The following PTPRJ variants were observed in gnomAD, a reference collection of about 807,000 sequenced individuals.
PTPRJ encodes protein tyrosine phosphatase receptor type J.
A neutral mutation model predicts 141.3 loss-of-function variants in PTPRJ; 129 were observed. That is an observed-to-expected ratio of 0.91 (90% CI 0.79 to 1.06). The LOEUF (loss-of-function observed/expected upper bound fraction) is 1.06, where lower values mean the gene tolerates loss of function less well. Ranked by LOEUF, PTPRJ falls within the 50% of genes least tolerant of loss-of-function variation. The probability of loss-of-function intolerance (pLI) is 0.00; values close to 1 mark genes in which losing one functional copy is unlikely to be tolerated. For synonymous variants in PTPRJ, 610 were observed against 640.5 expected, an observed-to-expected ratio of 0.95 and a Z score of 0.72; for missense variants, 1,601 against 1,679.7, an observed-to-expected ratio of 0.95 and a Z score of 0.82.
At chr11:48,054,627 CT>C (rs1854705850) in intron 1 of PTPRJ, among the ~76,000 whole-genome samples, 1 of 152,004 alleles carries the variant, frequency 6.6e-6, no homozygotes, top group Admixed American at 6.6e-5. Flanking sequence ...TGCCCACGGA[CT>C]TGTAGTCCCT....
intron 2 of PTPRJ, among the ~76,000 whole-genome samples, chr11:48,112,206 A>G (rs1389634182): frequency 6.6e-6 from 1 of 152,208 alleles, no homozygotes; most frequent in Non-Finnish European, 1.5e-5. Context: ...ACGTCTGGTC[A>G]CACTCTGTTT....
At chr11:47,981,031 C>T (rs1853888948) in intron 1 of PTPRJ, 23 bp downstream of exon 1, 2 of 285,818 alleles carry the variant, frequency 7.0e-6, no homozygotes, top group Non-Finnish European at 1.0e-5. Flanking sequence ...TGGGCTCGGG[C>T]GGGGGGCAGG....
intron 19 of PTPRJ, among the ~76,000 whole-genome samples, chr11:48,154,401 T>A (rs558099895): frequency 1.3e-5 from 2 of 152,366 alleles, no homozygotes; most frequent in Admixed American, 1.3e-4. Flanking sequence ...CATTTCCTGT[T>A]TTTGAGAATT....
At chr11:48,000,787 C>G (rs1479847693) in intron 1 of PTPRJ, among the ~76,000 whole-genome samples, 2 of 152,066 alleles carry the variant, frequency 1.3e-5, no homozygotes, top group Non-Finnish European at 2.9e-5. Context: ...CTACTCATTT[C>G]TGTCTGTCTC....
At chr11:48,080,963 T>C (rs1207159719) in intron 1 of PTPRJ, among the ~76,000 whole-genome samples, 5 of 152,234 alleles carry the variant, frequency 3.3e-5, no homozygotes, top group Non-Finnish European at 7.3e-5. Flanking sequence ...CAGACCCAGA[T>C]TGTCAATGAT....
chr11:48,130,502 G>A lies in PTPRJ; in HGVS notation c.1401G>A (p.Thr467=), dbSNP rs770168631. Residue 467 remains threonine, a synonymous_variant, in exon 8 of 25, where the codon ACG becomes ACA. Transcript: ENST00000418331. ...ACTTCCGAGTGACAGTGGTCAGCACGACGGAGATCGGCTTAGCATGGAGCA... is the reference window on the plus strand; with the variant it reads ...ACTTCCGAGTGACAGTGGTCAGCACAACGGAGATCGGCTTAGCATGGAGCA... ...VSDFRVTVVS[T]TEIGLAWSSH... The A allele has an allele frequency of 5.6e-6, 9 of 1,613,648 alleles. No individual in the cohort carries two copies. The highest frequency in any genetic ancestry group is 5.5e-5 in the South Asian group (5 of 91,040).
intron 1 of PTPRJ, among the ~76,000 whole-genome samples, chr11:48,075,896 G>A (rs562568550): frequency 5.3e-5 from 8 of 152,232 alleles, no homozygotes; most frequent in East Asian, 1.9e-4. Context: ...CAACCTGCCC[G>A]TTGTTTTCTC....
At chr11:48,023,588 C>G (rs1853716929) in intron 1 of PTPRJ, among the ~76,000 whole-genome samples, 1 of 152,042 alleles carries the variant, frequency 6.6e-6, no homozygotes, top group Non-Finnish European at 1.5e-5. Flanking sequence ...TCGAGACCAC[C>G]CTAGCCAATA....
In PTPRJ at chr11:48,093,292, G is replaced by A. The variant is rs377468485; in HGVS notation, c.97-16766G>A. ...AAAAATATTTAGTAGAGTGGTCTAA[G>A]ATGAGAGTGTAAGTGAGTAAACTTT... On this transcript the variant is annotated intron_variant, in intron 1 of 24. Coordinates refer to ENST00000418331, the MANE Select transcript of PTPRJ (RefSeq NM_002843.4). Among the ~76,000 whole-genome samples, 13 of 152,340 alleles carry A rather than the reference G, an allele frequency of 8.5e-5. No individual in the cohort carries two copies. The East Asian group carries it at 1.2e-3, about 14-fold the overall frequency.
At chr11:48,111,011 T>G (rs1486721233) in intron 2 of PTPRJ, among the ~76,000 whole-genome samples, 2 of 152,198 alleles carry the variant, frequency 1.3e-5, no homozygotes, top group Admixed American at 1.3e-4. Flanking sequence ...GCCTGGTGGC[T>G]CATGCCTGTA....
chr11:48,105,019 A>T (rs1345434293), intron 1 of PTPRJ, among the ~76,000 whole-genome samples: 2 of 152,132 alleles, frequency 1.3e-5, no homozygotes, highest in African/African-American at 4.8e-5. Flanking sequence ...CTTGAATGAG[A>T]TGATAAATAC....
intron 1 of PTPRJ, among the ~76,000 whole-genome samples, chr11:48,103,414 GTGC>G (rs1384646062): frequency 6.6e-6 from 1 of 152,190 alleles, no homozygotes; most frequent in Admixed American, 6.5e-5. Context: ...AGCTATGATT[GTGC>G]CATTGTACTC....
At chr11:47,990,457 C>G (rs565303667) in intron 1 of PTPRJ, among the ~76,000 whole-genome samples, 1 of 152,154 alleles carries the variant, frequency 6.6e-6, no homozygotes, top group South Asian at 2.1e-4. Context: ...GAGTCTTGCT[C>G]TGTCACCCAG....
intron 1 of PTPRJ, among the ~76,000 whole-genome samples, chr11:48,093,167 A>G (rs1345608509): frequency 2.0e-5 from 3 of 152,200 alleles, no homozygotes; most frequent in African/African-American, 4.8e-5. Flanking sequence ...GTGATCATGT[A>G]TGTGATTGCT....
rs1243391757 is a variant in PTPRJ, at chr11:48,158,214, G to T, written c.3439-1716G>T. On this transcript the variant is annotated intron_variant, in intron 21 of 24. Transcript: ENST00000418331. The surrounding 1 kb of genome is among the most constrained non-coding windows in gnomAD (Gnocchi z 4.4). ...GCTTTTTAATACTGTTGAGCCCAGG[G>T]CCTTATACATGAAACATTCTTATAA... Among the ~76,000 whole-genome samples, 3 of 152,086 alleles carry T rather than the reference G, an allele frequency of 2.0e-5. No individual in the cohort carries two copies. Among genetic ancestry groups the T allele is most frequent in the East Asian group, 3.8e-4 (2 of 5,196 alleles).
chr11:48,013,086 A>G (rs1190551354), intron 1 of PTPRJ, among the ~76,000 whole-genome samples: 2 of 144,046 alleles, frequency 1.4e-5, no homozygotes, highest in South Asian at 2.3e-4. Flanking sequence ...CCTGGGCAAC[A>G]GAGTGAGACT....
chr11:47,996,855 G>A (rs1854350900), intron 1 of PTPRJ, among the ~76,000 whole-genome samples: 2 of 152,232 alleles, frequency 1.3e-5, no homozygotes, highest in African/African-American at 4.8e-5. Flanking sequence ...AGGGGTGGAA[G>A]CTCTTATTTC....
At chr11:48,137,599 C>G (rs1286722950) in intron 10 of PTPRJ, among the ~76,000 whole-genome samples, 2 of 152,100 alleles carry the variant, frequency 1.3e-5, no homozygotes, top group Non-Finnish European at 2.9e-5. Flanking sequence ...GAGCAAAGAT[C>G]TGAATGAAGG....
intron 1 of PTPRJ, among the ~76,000 whole-genome samples, chr11:48,040,267 G>T (rs1457241630): frequency 6.6e-6 from 1 of 152,254 alleles, no homozygotes; most frequent in Non-Finnish European, 1.5e-5. Context: ...CATAGAGACC[G>T]CAGGATGCTG....
Sources: gnomAD v4.1 joint callset for allele counts (sites outside exome capture counted in the v4.1 genomes callset) on GRCh38, gnomAD v4.1.1 for gene constraint, Gnocchi (gnomAD v3.1) non-coding constraint, MANE v1.5 for transcripts, NCBI Gene and HGNC (gene_info 2026-07-23, HGNC 2026-07-21) for gene names.